RBFOX1: variants seen among roughly 807,000 people sequenced by gnomAD.
RBFOX1 encodes RNA binding protein fox-1 homolog 1.
A neutral mutation model predicts 57.7 loss-of-function variants in RBFOX1; 8 were observed. The ratio of observed to expected loss-of-function variants is 0.14; its 90% CI spans 0.08 to 0.25. RBFOX1 has a LOEUF of 0.25. Ranked by LOEUF, RBFOX1 falls within the 10% of genes least tolerant of loss-of-function variation. The pLI is 1.00. For missense variants in RBFOX1, 611 were observed against 548.5 expected (o/e 1.11, Z -1.14); for synonymous variants, 326 against 222.4 (o/e 1.47, Z -4.15).
At chr16:6,480,559 G>A (rs1002894356) in intron 2 of RBFOX1, among the ~76,000 whole-genome samples, 1 of 152,174 alleles carries the variant, frequency 6.6e-6, no homozygotes, top group African/African-American at 2.4e-5. Context: ...CTAGCAGGCT[G>A]TACAGAAACA....
intron 3 of RBFOX1, among the ~76,000 whole-genome samples, chr16:6,984,492 C>T (rs1052307923): frequency 7.9e-5 from 12 of 152,126 alleles, no homozygotes; most frequent in African/African-American, 2.9e-4. Flanking sequence ...GGTTTTGTTA[C>T]TTGCAGCCTA....
chr16:7,434,770 C>T (rs954742529), intron 4 of RBFOX1, among the ~76,000 whole-genome samples: 34 of 151,340 alleles, frequency 2.2e-4, no homozygotes, highest in African/African-American at 6.1e-4. Flanking sequence ...GATTGAGCCT[C>T]GCTGGATCAG....
chr16:7,008,426 G>C (rs2093424613), intron 3 of RBFOX1, among the ~76,000 whole-genome samples: 2 of 151,856 alleles, frequency 1.3e-5, no homozygotes, highest in African/African-American at 4.8e-5. Flanking sequence ...TGTAATTCCA[G>C]ACACTCAGAA....
chr16:6,348,221 G>A (rs2085696880), intron 2 of RBFOX1, among the ~76,000 whole-genome samples: 1 of 152,140 alleles, frequency 6.6e-6, no homozygotes, highest in Non-Finnish European at 1.5e-5. Flanking sequence ...GGCCATCCAG[G>A]TTCACACTCC....
intron 3 of RBFOX1, among the ~76,000 whole-genome samples, chr16:5,800,647 G>A (rs2055026882): frequency 6.6e-6 from 1 of 152,170 alleles, no homozygotes; most frequent in South Asian, 2.1e-4. Flanking sequence ...CTATTACCTA[G>A]TTTCACGGTG....
At chr16:5,582,618 T>C (rs902857439) in intron 2 of RBFOX1, among the ~76,000 whole-genome samples, 2 of 150,654 alleles carry the variant, frequency 1.3e-5, no homozygotes, top group Non-Finnish European at 3.0e-5. Flanking sequence ...TGACGTGATC[T>C]TGGTTCGCTG....
rs371508664 is a variant in RBFOX1, at chr16:5,706,694, T to C, written c.318+107733T>C. On this transcript the variant is annotated intron_variant, in intron 3 of 19. Coordinates refer to the RBFOX1 transcript ENST00000641259. ...AATATTTATGTCTTTCCTAAAGCAC[T>C]GGTTGCCAAATGAAATGATTTTGGT... 6.6e-5 allele frequency among the ~76,000 whole-genome samples: 10 copies of C among 152,342 alleles called. No homozygotes were observed. The East Asian group carries it at 7.7e-4, about 12-fold the overall frequency.
chr16:7,680,745 T>G (rs58727015), intron 14 of RBFOX1, among the ~76,000 whole-genome samples: 1 of 152,318 alleles, frequency 6.6e-6, no homozygotes, highest in East Asian at 1.9e-4. Context: ...TCACTGCTAA[T>G]GTAGAGTTAG....
intron 2 of RBFOX1, among the ~76,000 whole-genome samples, chr16:5,535,262 A>T (rs141143000): frequency 6.6e-6 from 1 of 152,208 alleles, no homozygotes; most frequent in South Asian, 2.1e-4. Flanking sequence ...ATCAACTCCA[A>T]AATCTCACCT....
chr16:6,121,356 G>A (rs1015887399), intron 1 of RBFOX1, among the ~76,000 whole-genome samples: 4 of 152,166 alleles, frequency 2.6e-5, no homozygotes, highest in Non-Finnish European at 5.9e-5. Context: ...TGTCTACATG[G>A]TGGGCCACCT....
chr16:6,682,225 C>G (rs1478939764), intron 3 of RBFOX1, among the ~76,000 whole-genome samples: 1 of 152,146 alleles, frequency 6.6e-6, no homozygotes, highest in African/African-American at 2.4e-5. Context: ...AACAACGCAA[C>G]AGAGTCAGCG....
At chr16:6,433,776 G>A (rs1205418165) in intron 2 of RBFOX1, among the ~76,000 whole-genome samples, 1 of 150,998 alleles carries the variant, frequency 6.6e-6, no homozygotes, top group Non-Finnish European at 1.5e-5. Flanking sequence ...ACCCTTCAAA[G>A]CACATCACTC....
chr16:6,103,307 G>A (rs1220100206), intron 1 of RBFOX1, among the ~76,000 whole-genome samples: 1 of 152,162 alleles, frequency 6.6e-6, no homozygotes, highest in Non-Finnish European at 1.5e-5. Context: ...TATGACAAAA[G>A]ATGGGAGAAG....
chr16:7,423,616 G>C (rs1036301385), intron 4 of RBFOX1, among the ~76,000 whole-genome samples: 1 of 152,146 alleles, frequency 6.6e-6, no homozygotes, highest in South Asian at 2.1e-4. Context: ...GGGCACAGGG[G>C]AGTGGTTTGC....
chr16:7,221,030 T>C (rs1277747313), intron 4 of RBFOX1, among the ~76,000 whole-genome samples: 1 of 152,138 alleles, frequency 6.6e-6, no homozygotes. Flanking sequence ...GTTTATCAGA[T>C]GTACTGTCTA....
chr16:7,650,020 G>C (rs2064652977), intron 11 of RBFOX1, among the ~76,000 whole-genome samples: 1 of 33,866 alleles, frequency 3.0e-5, no homozygotes, highest in Admixed American at 2.9e-4. Context: ...GAAGACAAAA[G>C]GAAGAAAGAG....
intron 4 of RBFOX1, among the ~76,000 whole-genome samples, chr16:5,937,440 C>T (rs1366989602): frequency 6.6e-6 from 1 of 152,022 alleles, no homozygotes; most frequent in Non-Finnish European, 1.5e-5. Flanking sequence ...ACGTTTATTT[C>T]TGTTTGGGAG....
At chr16:7,388,644 CTTTTTTTTTTTT>C (rs61629644) in intron 4 of RBFOX1, among the ~76,000 whole-genome samples, 21 of 92,620 alleles carry the variant, frequency 2.3e-4, no homozygotes, top group African/African-American at 6.8e-4. Flanking sequence ...GTTTCACTTA[CTTTTTTTTTTTT>C]TTTTTTTTTT....
intron 3 of RBFOX1, among the ~76,000 whole-genome samples, chr16:5,732,476 G>A (rs1290276151): frequency 6.6e-6 from 1 of 152,158 alleles, no homozygotes; most frequent in Non-Finnish European, 1.5e-5. Context: ...GTTGGCTCTA[G>A]GGCACTTGTC....
Sources: gnomAD v4.1 joint callset for allele counts (sites outside exome capture counted in the v4.1 genomes callset) on GRCh38, gnomAD v4.1.1 for gene constraint, MANE v1.5 for transcripts, NCBI Gene and HGNC (gene_info 2026-07-23, HGNC 2026-07-21) for gene names.